The following PTPRD variants were observed in gnomAD, a reference collection of about 807,000 sequenced individuals.
PTPRD encodes receptor-type tyrosine-protein phosphatase delta.
PTPRD carries 34 observed loss-of-function variants against 214.5 expected under a neutral mutation model. The ratio of observed to expected loss-of-function variants is 0.16; its 90% CI spans 0.12 to 0.21. PTPRD has a LOEUF of 0.21. PTPRD is among the 10% of genes least tolerant of loss of function. PTPRD has a pLI of 1.00. For synonymous variants in PTPRD, 1,128 were observed against 845.7 expected, an observed-to-expected ratio of 1.33 and a Z score of -5.79; for missense variants, 2,545 against 2,398.7, an observed-to-expected ratio of 1.06 and a Z score of -1.27.
intron 9 of PTPRD, among the ~76,000 whole-genome samples, chr9:9,247,517 G>A (rs186297626): frequency 6.2e-4 from 94 of 152,162 alleles, no homozygotes; most frequent in Non-Finnish European, 2.1e-4. Flanking sequence ...TATGAGGGAT[G>A]AGAAAAGGTA....
In PTPRD at chr9:9,692,650, T is replaced by TTC. The variant is rs1554847461; in HGVS notation, c.-287+41882_-287+41883insGA. ...ATATAAATTTTAAGTTTTTTTTTTT[T>TTC]CTATTTCTGTGAAGACTGTCATTGG... is the stretch of plus-strand genomic sequence containing the variant. On this transcript the variant is annotated intron_variant, in intron 7 of 45. Transcript: ENST00000381196. Among the ~76,000 whole-genome samples the TTC allele has an allele frequency of 9.5e-3, 1,418 of 149,970 alleles. 21 individuals are homozygous for TTC. Among genetic ancestry groups the TTC allele is most frequent in the African/African-American group, 0.02 (802 of 40,928 alleles).
chr9:9,033,111 C>T (rs1282892932), intron 10 of PTPRD, among the ~76,000 whole-genome samples: 2 of 152,130 alleles, frequency 1.3e-5, no homozygotes, highest in Non-Finnish European at 2.9e-5. Context: ...TGTACTCTTT[C>T]CCTCTGTTCT....
chr9:8,554,716 T>C (rs1338481801), intron 14 of PTPRD, among the ~76,000 whole-genome samples: 1 of 152,228 alleles, frequency 6.6e-6, no homozygotes, highest in East Asian at 1.9e-4. Flanking sequence ...TAAGAATTCA[T>C]TCACTGTCCA....
chr9:9,736,762 A>G (rs1321154925), intron 6 of PTPRD, among the ~76,000 whole-genome samples: 3 of 151,792 alleles, frequency 2.0e-5, no homozygotes, highest in African/African-American at 7.3e-5. Flanking sequence ...TTTTTAAGTT[A>G]TTTTTATGCA....
chr9:8,331,788 T>TCAGCAAGCATA, intron 43 of PTPRD, 52 bp from the exon 44 acceptor site: 4 of 1,521,010 alleles, frequency 2.6e-6, no homozygotes, highest in South Asian at 2.6e-5. Context: ...CCAGGAGGAT[T>TCAGCAAGCATA]CAGCAAGCAT....
chr9:10,428,733 T>G (rs952058516), intron 2 of PTPRD, among the ~76,000 whole-genome samples: 2 of 152,106 alleles, frequency 1.3e-5, no homozygotes, highest in Non-Finnish European at 2.9e-5. Context: ...AATATTCTAT[T>G]TGGTCCATGG....
chr9:8,942,305 C>T (rs979871886), intron 11 of PTPRD, among the ~76,000 whole-genome samples: 4 of 152,110 alleles, frequency 2.6e-5, no homozygotes, highest in African/African-American at 7.2e-5. Context: ...TTTTATTAAG[C>T]TGTTCTAAAA....
chr9:8,389,327 A>G lies in PTPRD; in HGVS notation c.4291T>C (p.Ser1431Pro), dbSNP rs1209242135. The stretch of plus-strand genomic sequence containing the variant: ...AAGTCCCCAAATGTTTCGGGGAGAG[A>G]TCCCTGTGTTGCAATATAGGCATTT... ...KQNAYIATQG[S>P]LPETFGDFWR... The change falls in exon 37 of 46, where the codon TCT becomes CCT. Residue 1431 changes from serine (S) to proline (P), a missense_variant. Coordinates refer to ENST00000381196, the MANE Select transcript of PTPRD (RefSeq NM_002839.4). The G allele has an allele frequency of 1.2e-6, 2 of 1,612,906 alleles. No homozygotes were observed. Among genetic ancestry groups the G allele is most frequent in the Non-Finnish European group, 1.7e-6 (2 of 1,179,290 alleles).
At position 9,379,414 on chromosome 9, in the gene PTPRD, A is replaced by G. The variant is rs149569305; in HGVS notation, c.-203+18035T>C. 3.1e-4 allele frequency among the ~76,000 whole-genome samples: 47 copies of G among 151,796 alleles called. No individual in the cohort carries two copies. In the East Asian group the frequency reaches 7.6e-3, roughly 24 times the overall value. ...GATCTACTTTCCTATTCTTCGTCCA[A>G]TACCATGCAGTCTCGATTACTGTAG... On this transcript the variant is annotated intron_variant, in intron 9 of 45. Transcript: ENST00000381196.
chr9:10,407,048 C>G (rs1388442680), intron 2 of PTPRD, among the ~76,000 whole-genome samples: 1 of 151,496 alleles, frequency 6.6e-6, no homozygotes, highest in African/African-American at 2.4e-5. Flanking sequence ...TTAATGTTTA[C>G]TTACAAACCC....
intron 5 of PTPRD, among the ~76,000 whole-genome samples, chr9:9,776,075 T>C (rs568741361): frequency 1.3e-5 from 2 of 151,692 alleles, no homozygotes; most frequent in Admixed American, 1.3e-4. Context: ...TTTCATCAAG[T>C]GAGTGACTCC....
At chr9:10,386,205 T>C (rs975052673) in intron 2 of PTPRD, among the ~76,000 whole-genome samples, 2 of 151,918 alleles carry the variant, frequency 1.3e-5, no homozygotes, top group Admixed American at 6.6e-5. Flanking sequence ...TTCTGACTTA[T>C]GGCAGGTGGA....
chr9:10,418,276 G>T (rs1432713700), intron 2 of PTPRD, among the ~76,000 whole-genome samples: 1 of 151,688 alleles, frequency 6.6e-6, no homozygotes, highest in African/African-American at 2.4e-5. Flanking sequence ...TTTCCCAATG[G>T]TATAATTTTA....
chr9:9,194,558 C>A (rs966869050), intron 9 of PTPRD, among the ~76,000 whole-genome samples: 4 of 152,068 alleles, frequency 2.6e-5, no homozygotes, highest in Non-Finnish European at 5.9e-5. Flanking sequence ...GGACCACTGT[C>A]ATGTACTTGG....
chr9:9,698,634 C>T (rs962725445), intron 7 of PTPRD, among the ~76,000 whole-genome samples: 5 of 152,288 alleles, frequency 3.3e-5, no homozygotes, highest in African/African-American at 1.2e-4. Flanking sequence ...CTCTGGCTGT[C>T]TTCAGGGATA....
chr9:8,520,688 T>C (rs1198301948), intron 20 of PTPRD, among the ~76,000 whole-genome samples: 1 of 152,158 alleles, frequency 6.6e-6, no homozygotes, highest in Non-Finnish European at 1.5e-5. Context: ...ACTTTGGTTA[T>C]ATTTAGTCTG....
intron 3 of PTPRD, among the ~76,000 whole-genome samples, chr9:10,146,728 T>TTTTG (rs946626292): frequency 6.6e-6 from 1 of 152,082 alleles, no homozygotes; most frequent in African/African-American, 2.4e-5. Flanking sequence ...TTGCTCCTTT[T>TTTTG]TTTGTTTGTT....
intron 8 of PTPRD, among the ~76,000 whole-genome samples, chr9:9,447,005 C>G (rs927772494): frequency 6.6e-6 from 1 of 151,924 alleles, no homozygotes; most frequent in Admixed American, 6.6e-5. Context: ...TATAAAATGT[C>G]AATAATATAA....
At chr9:8,971,088 A>G (rs956621705) in intron 11 of PTPRD, among the ~76,000 whole-genome samples, 4 of 151,804 alleles carry the variant, frequency 2.6e-5, no homozygotes, top group African/African-American at 4.8e-5. Context: ...CTATAACTTT[A>G]AAATGTTAGA....
Sources: allele counts gnomAD v4.1 joint callset (sites outside exome capture counted in the v4.1 genomes callset), GRCh38; gene constraint gnomAD v4.1.1; transcripts MANE v1.5; gene names NCBI Gene and HGNC (gene_info 2026-07-23, HGNC 2026-07-21).